The following ARHGEF28 variants were observed in gnomAD, a reference collection of about 807,000 sequenced individuals.
The protein encoded by ARHGEF28 is Rho guanine nucleotide exchange factor 28.
A neutral mutation model predicts 206.6 loss-of-function variants in ARHGEF28; 152 were observed. That is an observed-to-expected ratio of 0.74 (90% CI 0.64 to 0.84). The LOEUF (loss-of-function observed/expected upper bound fraction) is 0.84, where lower values mean the gene tolerates loss of function less well. Ranked by LOEUF, ARHGEF28 falls within the 40% of genes least tolerant of loss-of-function variation. The probability of loss-of-function intolerance (pLI) is 0.00; values close to 1 mark genes in which losing one functional copy is unlikely to be tolerated. For synonymous variants in ARHGEF28, 763 were observed against 776.4 expected (o/e 0.98, Z 0.29); for missense variants, 2,028 against 2,073.2 (o/e 0.98, Z 0.42).
intron 16 of ARHGEF28, among the ~76,000 whole-genome samples, chr5:73,861,437 A>G (rs1421415838): frequency 6.6e-6 from 1 of 152,214 alleles, no homozygotes; most frequent in Non-Finnish European, 1.5e-5. Flanking sequence ...GGAGTTCCTT[A>G]TAACCATAAA....
At chr5:73,682,293 G>T (rs1332844853) in intron 1 of ARHGEF28, among the ~76,000 whole-genome samples, 1 of 152,100 alleles carries the variant, frequency 6.6e-6, no homozygotes, top group Non-Finnish European at 1.5e-5. Context: ...TCACCAGTGT[G>T]TATAGGAAGT....
chr5:73,787,966 A>G (rs1754257955), intron 7 of ARHGEF28, among the ~76,000 whole-genome samples: 1 of 152,216 alleles, frequency 6.6e-6, no homozygotes, highest in Non-Finnish European at 1.5e-5. Flanking sequence ...TTAAAGAATC[A>G]TAGTTTGACT....
intron 13 of ARHGEF28, among the ~76,000 whole-genome samples, chr5:73,849,395 G>A (rs1171367444): frequency 1.3e-5 from 2 of 152,070 alleles, no homozygotes; most frequent in East Asian, 3.9e-4. Flanking sequence ...TATTATGAGG[G>A]CCTTAGAGGA....
At chr5:73,779,000 C>A (rs1403222784) in intron 6 of ARHGEF28, among the ~76,000 whole-genome samples, 1 of 152,156 alleles carries the variant, frequency 6.6e-6, no homozygotes, top group African/African-American at 2.4e-5. Flanking sequence ...TTGGGCATTG[C>A]TTAGTTATCT....
At chr5:73,826,530 C>T (rs1448637637) in intron 9 of ARHGEF28, among the ~76,000 whole-genome samples, 1 of 152,126 alleles carries the variant, frequency 6.6e-6, no homozygotes, top group African/African-American at 2.4e-5. Flanking sequence ...TATGTCTGGG[C>T]GTGGGTCTCT....
At chr5:73,709,574 GA>G (rs1749128726) in intron 2 of ARHGEF28, among the ~76,000 whole-genome samples, 1 of 152,174 alleles carries the variant, frequency 6.6e-6, no homozygotes, top group Non-Finnish European at 1.5e-5. Context: ...AAAGAGCAGG[GA>G]GGAGGAGGTA....
intron 2 of ARHGEF28, among the ~76,000 whole-genome samples, chr5:73,741,385 G>GTGTATGTATA (rs1561371055): frequency 4.6e-5 from 1 of 21,862 alleles, no homozygotes; most frequent in African/African-American, 2.5e-4. Context: ...GTGTGTGTGT[G>GTGTATGTATA]TATATATATA....
At chr5:73,739,832 TA>T (rs1751257017) in intron 2 of ARHGEF28, among the ~76,000 whole-genome samples, 1 of 62,426 alleles carries the variant, frequency 1.6e-5, no homozygotes, top group African/African-American at 8.5e-5. Flanking sequence ...ATAATAAAAA[TA>T]AATAAATAAA....
chr5:73,711,394 A>G (rs1749237194), intron 2 of ARHGEF28, among the ~76,000 whole-genome samples: 3 of 152,180 alleles, frequency 2.0e-5, no homozygotes, highest in African/African-American at 7.2e-5. Context: ...CAATTGTGTT[A>G]TATCTATAGA....
intron 1 of ARHGEF28, among the ~76,000 whole-genome samples, chr5:73,658,330 C>A (rs901375326): frequency 2.0e-5 from 3 of 152,138 alleles, no homozygotes; most frequent in Non-Finnish European, 2.9e-5. Context: ...TGGCAGAGAC[C>A]TGTCTTACTC....
At chr5:73,933,343 A>G (rs1163318642) in intron 35 of ARHGEF28, among the ~76,000 whole-genome samples, 1 of 152,234 alleles carries the variant, frequency 6.6e-6, no homozygotes, top group East Asian at 1.9e-4. Flanking sequence ...ATGGGTAGCT[A>G]TAAGCTCAAA....
In ARHGEF28 at chr5:73,897,696, C is replaced by A. The variant is rs188336829; in HGVS notation, c.3842-266C>A. On this transcript the variant is annotated intron_variant, in intron 29 of 35. Transcript: ENST00000513042. ...AAAAGTATTGGTCTAGATTGAAGAT[C>A]TGCAAACTTTTCCTATAAAGGGCCA... Among the ~76,000 whole-genome samples, 3 of 152,318 alleles carry A rather than the reference C, an allele frequency of 2.0e-5. No individual in the cohort carries two copies. In the East Asian group the frequency reaches 5.8e-4, roughly 29 times the overall value.
rs115676829 is a variant in ARHGEF28 at position 73,785,688 on chromosome 5, A to G, written c.910+4943A>G. The stretch of plus-strand genomic sequence containing the variant: ...CGCTTAAAAAATTATTTTGTAGTTC[A>G]AAAACGCTCTGCATTTGCTAACTGT... On this transcript the variant is annotated intron_variant, in intron 7 of 35. Coordinates refer to ENST00000513042, the MANE Select transcript of ARHGEF28 (RefSeq NM_001177693.2). Among the ~76,000 whole-genome samples, 731 of 152,288 alleles carry G rather than the reference A, an allele frequency of 4.8e-3. 10 individuals are homozygous for G. The highest frequency in any genetic ancestry group is 0.016 in the African/African-American group (675 of 41,556).
chr5:73,699,052 G>C (rs917626149), intron 2 of ARHGEF28, among the ~76,000 whole-genome samples: 1 of 152,030 alleles, frequency 6.6e-6, no homozygotes, highest in Non-Finnish European at 1.5e-5. Flanking sequence ...TTAATTTTGC[G>C]AACCCTTTTC....
Position 73,838,244 on chromosome 5 carries a change from A to G in ARHGEF28, c.1147-2236A>G, listed in dbSNP as rs919814037. 2.0e-4 allele frequency among the ~76,000 whole-genome samples: 24 copies of G among 119,172 alleles called. No homozygotes were observed. In the Admixed American group the frequency reaches 2.1e-3, roughly 10 times the overall value. 78.2% of individuals were successfully genotyped at this position (119,172 alleles called of 152,430 possible). A position where few individuals can be genotyped will look rare whatever the true frequency, so the allele number is the denominator to read the frequency against. On this transcript the variant is annotated intron_variant, in intron 10 of 35. Transcript: ENST00000513042. Reference sequence around the variant, plus strand: ...CTGCAACAAAATCACAAAGTCCATTATATTAGCATAGTACTTTTTTTTTTA... The same window carrying G: ...CTGCAACAAAATCACAAAGTCCATTGTATTAGCATAGTACTTTTTTTTTTA...
chr5:73,901,191 C>T lies in ARHGEF28; in HGVS notation c.3981C>T (p.Val1327=). 1.2e-6 allele frequency: 2 copies of T among 1,612,764 alleles called. No homozygotes were observed. The highest frequency in any genetic ancestry group is 1.7e-6 in the Non-Finnish European group (2 of 1,179,474). Reference sequence around the variant, plus strand: ...TCGATGGCGTGCTTCCAGCATTAGTCACAGGAGGGAGAGAAGGAAGAGGCT... The same window carrying T: ...TCGATGGCGTGCTTCCAGCATTAGTTACAGGAGGGAGAGAAGGAAGAGGCT... The part of the protein sequence containing the change: ...DVPGSPTASL[V]TGGREGRGCS... The change falls in exon 31 of 36, where the codon GTC becomes GTT. Residue 1327 remains valine (V), a synonymous_variant. Transcript: ENST00000513042.
chr5:73,750,121 T>A (rs1003998749), intron 3 of ARHGEF28, 137 bp downstream of exon 3: 1 of 928,084 alleles, frequency 1.1e-6, no homozygotes, highest in African/African-American at 1.7e-5. Flanking sequence ...TGCCTGTGTG[T>A]GTATGTGTAT....
At chr5:73,667,872 A>C (rs568336583) in intron 1 of ARHGEF28, among the ~76,000 whole-genome samples, 40 of 152,352 alleles carry the variant, frequency 2.6e-4, no homozygotes, top group African/African-American at 9.1e-4. Context: ...TCTGCCTTCC[A>C]CAAAGTCTTA....
Position 73,904,384 on chromosome 5 carries a change from C to T in ARHGEF28, c.4140C>T (p.Thr1380=). 6.2e-7 allele frequency: 1 copy of T among 1,612,534 alleles called. No homozygotes were observed. Among genetic ancestry groups the T allele is most frequent in the Non-Finnish European group, 8.5e-7 (1 of 1,179,386 alleles). Residue 1380 remains threonine, a synonymous_variant, in exon 33 of 36, where the codon ACC becomes ACT. Transcript: ENST00000513042. ...TTATACAAGCCATACAGAATTTAAC[C>T]CGTCTCTTATACAGCCTTCAGGTAA... The part of the protein sequence containing the change: ...SEIIQAIQNL[T]RLLYSLQAAL...
Sources: gnomAD v4.1 joint callset for allele counts (sites outside exome capture counted in the v4.1 genomes callset) on GRCh38, gnomAD v4.1.1 for gene constraint, MANE v1.5 for transcripts, NCBI Gene and HGNC (gene_info 2026-07-23, HGNC 2026-07-21) for gene names.